Variants in ENPP3 observed in about 807,000 individuals in gnomAD.
The protein encoded by ENPP3 is ectonucleotide pyrophosphatase/phosphodiesterase 3.
A neutral mutation model predicts 117.8 loss-of-function variants in ENPP3; 104 were observed. That is an observed-to-expected ratio of 0.88 (90% CI 0.75 to 1.04). The LOEUF (loss-of-function observed/expected upper bound fraction) is 1.04. Ranked by LOEUF, ENPP3 falls within the 50% of genes least tolerant of loss-of-function variation. ENPP3 has a pLI of 0.00. For missense variants in ENPP3, 1,026 were observed against 1,051.9 expected (o/e 0.98, Z 0.34); for synonymous variants, 380 against 349.9 (o/e 1.09, Z -0.96).
At chr6:131,740,620 C>A (rs558150075) in intron 24 of ENPP3, among the ~76,000 whole-genome samples, 5 of 152,010 alleles carry the variant, frequency 3.3e-5, no homozygotes, top group Non-Finnish European at 5.9e-5. Flanking sequence ...TATTTATATA[C>A]GTTTTATTCA....
Position 131,733,603 on chromosome 6 carries a change from C to T in ENPP3, c.1969C>T (p.Leu657=), listed in dbSNP as rs777806864. 6.2e-7 allele frequency: 1 copy of T among 1,613,212 alleles called. No homozygotes were observed. Among genetic ancestry groups the T allele is most frequent in the African/African-American group, 1.3e-5 (1 of 75,064 alleles). The change falls in exon 21 of 25, where the codon CTG becomes TTG. Residue 657 remains leucine, a synonymous_variant. Coordinates refer to ENST00000357639, the MANE Select transcript of ENPP3 (RefSeq NM_005021.5). Reference sequence around the variant, plus strand: ...CTTTGAACAGGGAGACACATCGCCTCTGCCTCCCACTGTCCCAGACTGTCT... The same window carrying T: ...CTTTGAACAGGGAGACACATCGCCTTTGCCTCCCACTGTCCCAGACTGTCT... ...TVPQLGDTSP[L]PPTVPDCLRA...
intron 10 of ENPP3, among the ~76,000 whole-genome samples, chr6:131,677,382 G>C (rs564774567): frequency 6.6e-6 from 1 of 152,336 alleles, no homozygotes; most frequent in East Asian, 1.9e-4. Context: ...ATGGAGCAGA[G>C]CTGGGAGCAG....
chr6:131,743,741 C>T (rs1780577093), intron 24 of ENPP3, among the ~76,000 whole-genome samples: 1 of 152,026 alleles, frequency 6.6e-6, no homozygotes, highest in Admixed American at 6.6e-5. Flanking sequence ...AGGAGAATTT[C>T]TTGAAACTGG....
intron 1 of ENPP3, chr6:131,638,325 G>T: frequency 8.8e-6 from 2 of 227,516 alleles, no homozygotes; most frequent in South Asian, 4.8e-5. Context: ...TGCATTCTTA[G>T]CCAACAATTT....
intron 7 of ENPP3, among the ~76,000 whole-genome samples, chr6:131,672,023 A>G (rs933458606): frequency 3.9e-5 from 6 of 152,166 alleles, no homozygotes; most frequent in Admixed American, 1.3e-4. Context: ...ACCCCCACAC[A>G]AATGTATGTA....
chr6:131,724,171 A>G, intron 19 of ENPP3, 80 bp downstream of exon 19: 1 of 912,132 alleles, frequency 1.1e-6, no homozygotes, highest in Non-Finnish European at 1.7e-6. Context: ...GACTCTCCAA[A>G]ATAAGCTGAC....
intron 21 of ENPP3, among the ~76,000 whole-genome samples, chr6:131,734,121 A>G (rs1187373289): frequency 1.3e-5 from 2 of 152,098 alleles, no homozygotes; most frequent in Non-Finnish European, 1.5e-5. Context: ...TTGGCAGAAC[A>G]TGTACTAAAA....
intron 22 of ENPP3, among the ~76,000 whole-genome samples, chr6:131,737,710 C>G (rs1323872254): frequency 6.6e-6 from 1 of 152,006 alleles, no homozygotes; most frequent in African/African-American, 2.4e-5. Context: ...AATGTTTATC[C>G]CCAGAGTAAT....
chr6:131,650,098 A>G lies in ENPP3; in HGVS notation c.226A>G (p.Lys76Glu). 6.2e-7 allele frequency: 1 copy of G among 1,614,138 alleles called. No homozygotes were observed. The highest frequency in any genetic ancestry group is 1.3e-5 in the African/African-American group (1 of 75,052). ...LENCRCDVACKDRGDCCWDFE... is the reference protein window; with the variant it reads ...LENCRCDVACEDRGDCCWDFE... ...GAACTGCCGGTGTGATGTGGCATGT[A>G]AAGACCGAGGTGATTGCTGCTGGGA... Residue 76 changes from lysine to glutamate, a missense_variant, in exon 3 of 25, where the codon AAA becomes GAA. Physicochemically the swap from Lys to Glu is moderately conservative, Grantham distance 56 (BLOSUM62 1). Transcript: ENST00000357639.
intron 20 of ENPP3, among the ~76,000 whole-genome samples, chr6:131,733,326 T>TAATA (rs1780325365): frequency 6.6e-6 from 1 of 152,226 alleles, no homozygotes; most frequent in Non-Finnish European, 1.5e-5. Context: ...CCATTATTCC[T>TAATA]CTGCTCTCAA....
chr6:131,674,265 G>A lies in ENPP3; in HGVS notation c.746G>A (p.Trp249Ter), dbSNP rs760263394. 22 of 1,613,500 alleles carry A rather than the reference G, an allele frequency of 1.4e-5. No homozygotes were observed. The South Asian group carries it at 2.4e-4, about 18-fold the overall frequency. Residue 249 changes from tryptophan to a stop codon, truncating the protein, a stop_gained, in exon 8 of 25, where the codon TGG becomes TAG. Transcript: ENST00000357639. LOFTEE classifies it high-confidence loss of function. ...TCAAAGGAACAAAATAATCCAGCCT[G>A]GTGGCATGGGCAACCAGTATGTAGC... ...LSSKEQNNPA[W>*]WHGQPMWLTA...
chr6:131,641,711 A>G (rs897585374), intron 2 of ENPP3, among the ~76,000 whole-genome samples, 181 bp downstream of exon 2: 1 of 149,050 alleles, frequency 6.7e-6, no homozygotes, highest in Non-Finnish European at 1.5e-5. Flanking sequence ...GGCATTGCTC[A>G]CTGTACTTTC....
At chr6:131,691,608 G>GA (rs113719227) in intron 14 of ENPP3, among the ~76,000 whole-genome samples, 10 of 146,108 alleles carry the variant, frequency 6.8e-5, no homozygotes, top group East Asian at 2.0e-4. Flanking sequence ...AAAAGAAAGA[G>GA]AAAAAAAAAA....
intron 11 of ENPP3, 37 bp downstream of exon 11, chr6:131,677,977 T>A: frequency 2.4e-6 from 3 of 1,241,158 alleles, no homozygotes; most frequent in African/African-American, 1.5e-5. Context: ...AAAAAAAATG[T>A]AAAATCATCT....
intron 17 of ENPP3, among the ~76,000 whole-genome samples, chr6:131,721,965 G>A (rs1780042499): frequency 6.6e-6 from 1 of 152,160 alleles, no homozygotes; most frequent in Admixed American, 6.5e-5. Flanking sequence ...GCTCAAGCAA[G>A]CCTCTTGCCT....
At chr6:131,687,997 C>A (rs1303658766) in intron 14 of ENPP3, among the ~76,000 whole-genome samples, 1 of 152,164 alleles carries the variant, frequency 6.6e-6, no homozygotes, top group Non-Finnish European at 1.5e-5. Flanking sequence ...TGTGGCAGCT[C>A]TGCACTGAGC....
At position 131,674,266 on chromosome 6, in the gene ENPP3, G is replaced by A; in HGVS notation, c.747G>A (p.Trp249Ter). 1 of 1,613,744 alleles carries A rather than the reference G, an allele frequency of 6.2e-7. No homozygotes were observed. Among genetic ancestry groups the A allele is most frequent in the South Asian group, 1.1e-5 (1 of 91,078 alleles). Residue 249 changes from tryptophan to a stop codon, truncating the protein, a stop_gained, in exon 8 of 25, where the codon TGG becomes TGA. Coordinates refer to ENST00000357639, the MANE Select transcript of ENPP3 (RefSeq NM_005021.5). LOFTEE classifies it high-confidence loss of function. ...CAAAGGAACAAAATAATCCAGCCTG[G>A]TGGCATGGGCAACCAGTATGTAGCA... is the stretch of plus-strand genomic sequence containing the variant. ...LSSKEQNNPA[W>*]WHGQPMWLTA... is the part of the protein sequence containing the mutation.
intron 1 of ENPP3, among the ~76,000 whole-genome samples, chr6:131,640,757 T>C (rs892796278): frequency 1.3e-5 from 2 of 152,328 alleles, no homozygotes; most frequent in East Asian, 1.9e-4. Flanking sequence ...CTGGACTTCA[T>C]GGAAGAGGAA....
chr6:131,671,737 T>C (rs1359239528), intron 7 of ENPP3, among the ~76,000 whole-genome samples: 2 of 152,232 alleles, frequency 1.3e-5, no homozygotes, highest in Non-Finnish European at 2.9e-5. Context: ...ATAGAACTTC[T>C]TTTTCATAAA....
Sources: gnomAD v4.1 joint callset for allele counts (sites outside exome capture counted in the v4.1 genomes callset) on GRCh38, gnomAD v4.1.1 for gene constraint, MANE v1.5 for transcripts, NCBI Gene and HGNC (gene_info 2026-07-23, HGNC 2026-07-21) for gene names.